POMT1: variants seen among roughly 807,000 people sequenced by gnomAD.
POMT1 encodes protein O-mannosyl-transferase 1.
Under a neutral mutation model 101.6 loss-of-function variants are expected in POMT1, and 85 were observed. That is an observed-to-expected ratio of 0.84 (90% CI 0.70 to 1.00). The LOEUF is 1.00. Ranked by LOEUF, POMT1 falls within the 50% of genes least tolerant of loss-of-function variation. POMT1 has a pLI of 0.00. For synonymous variants in POMT1, 371 were observed against 383.0 expected (o/e 0.97, Z 0.37); for missense variants, 857 against 930.4 (o/e 0.92, Z 1.03).
intron 9 of POMT1, chr9:131,511,002 C>CCGGATCATTAA: frequency 3.5e-6 from 1 of 287,338 alleles, no homozygotes; most frequent in South Asian, 4.4e-5. Context: ...TGTGTTTCAG[C>CCGGATCATTAA]AAGTTGTTTG....
intron 13 of POMT1, chr9:131,518,181 G>A (rs749737383): frequency 1.9e-6 from 1 of 527,372 alleles, no homozygotes; most frequent in Non-Finnish European, 3.6e-6. Flanking sequence ...AGAACATCAG[G>A]CTTTGTATTT....
chr9:131,516,153 G>C (rs1196675248), intron 13 of POMT1, among the ~76,000 whole-genome samples: 1 of 13,556 alleles, frequency 7.4e-5, no homozygotes, highest in Non-Finnish European at 2.7e-4. Context: ...TCTAACACAG[G>C]ACACTCTCAC....
rs754907726 is a variant in POMT1 at position 131,520,111 on chromosome 9, C to T, written c.1616C>T (p.Ser539Leu). The change falls in exon 17 of 20, where the codon TCG (serine) becomes TTG (leucine). Residue 539 changes from serine to leucine, a missense_variant. Coordinates refer to ENST00000402686, the MANE Select transcript of POMT1 (RefSeq NM_001077365.2). ...ATGCTGGCGCTGAGAAGTGATGACT[C>T]GGAACACAAGTACAGCTCCAGCCCA... Reference protein sequence around the residue: ...WRMLALRSDDSEHKYSSSPLE... With the variant: ...WRMLALRSDDLEHKYSSSPLE... The T allele has an allele frequency of 2.3e-5, 37 of 1,613,700 alleles. No homozygotes were observed. The highest frequency in any genetic ancestry group is 2.5e-5 in the Non-Finnish European group (30 of 1,180,024).
chr9:131,508,801 C>T (rs1946428802), intron 5 of POMT1, 110 bp from the exon 6 acceptor site: 1 of 765,996 alleles, frequency 1.3e-6, no homozygotes, highest in Non-Finnish European at 2.3e-6. Flanking sequence ...ACAACAGCCC[C>T]ACACAGTTGT....
rs749649735 is a variant in POMT1 at position 131,515,537 on chromosome 9, G to A, written c.1272+15G>A. 5.6e-6 allele frequency: 9 copies of A among 1,606,972 alleles called. No homozygotes were observed. Among genetic ancestry groups the A allele is most frequent in the Admixed American group, 1.7e-5 (1 of 60,010 alleles). ...TCTGGAGACTGGTGAGTAAGGCTGC[G>A]GCTATAGCAGCCACAACCGTCAGTA... On this transcript the variant is annotated intron_variant, in intron 13 of 19. Coordinates refer to ENST00000402686, the MANE Select transcript of POMT1 (RefSeq NM_001077365.2).
intron 1 of POMT1, 46 bp from the exon 2 acceptor site, chr9:131,504,143 C>A: frequency 6.2e-7 from 1 of 1,609,636 alleles, no homozygotes; most frequent in South Asian, 1.1e-5. Flanking sequence ...CCTTCTGTAG[C>A]CTCTCGTGAG....
At chr9:131,511,980 T>C in intron 10 of POMT1, 61 bp from the exon 11 acceptor site, 1 of 1,590,124 alleles carries the variant, frequency 6.3e-7, no homozygotes, top group South Asian at 1.1e-5. Context: ...CAAAGTGCTC[T>C]GATTACAGGC....
rs1564380551 is a variant in POMT1, at chr9:131,519,354, ACTTCTAT to A, written c.1487-32_1487-26del. ...TGCTCTGAGCTCTTGACCTTGTGCT[ACTTCTAT>A]CTGTTATGCCCTTGTCTGTTCTGCC... On this transcript the variant is annotated intron_variant, in intron 15 of 19. Transcript: ENST00000402686. This position sits in a 1 kb window ranked among gnomAD's most constrained non-coding sequence, Gnocchi z 4.3. 1 of 1,542,370 alleles carries A rather than the reference ACTTCTAT, an allele frequency of 6.5e-7. No homozygotes were observed.
chr9:131,517,979 G>A (rs1232402091), intron 13 of POMT1, among the ~76,000 whole-genome samples: 3 of 152,362 alleles, frequency 2.0e-5, no homozygotes, highest in Admixed American at 2.0e-4. Context: ...CTGTGACAAG[G>A]CAAAGTGCCT....
At position 131,523,385 on chromosome 9, in the gene POMT1, G is replaced by C. The variant is rs1008129269; in HGVS notation, c.*279G>C. ...TTCAGAGGCCAGCGTAGGAGTCATT[G>C]ACAACAAAAAGCCGAGAACCCAGGG... is the stretch of plus-strand genomic sequence containing the variant. On this transcript the variant is annotated 3_prime_UTR_variant, in exon 20 of 20. Transcript: ENST00000402686. 4.5e-6 allele frequency: 2 copies of C among 445,252 alleles called. No homozygotes were observed. The highest frequency in any genetic ancestry group is 8.3e-6 in the Non-Finnish European group (2 of 239,956). 27.6% of individuals were successfully genotyped at this position (445,252 alleles called of 1,614,324 possible). A position where few individuals can be genotyped will look rare whatever the true frequency, so the allele number is the denominator to read the frequency against.
rs754101109 is a variant in POMT1 at position 131,509,910 on chromosome 9, T to G, written c.613T>G (p.Tyr205Asp). The change falls in exon 8 of 20, where the codon TAC becomes GAC. Residue 205 changes from tyrosine (Y) to aspartate (D), a missense_variant. Coordinates refer to ENST00000402686, the MANE Select transcript of POMT1 (RefSeq NM_001077365.2). Reference sequence around the variant, plus strand: ...TCTGTCATGTCTTTGCAGCATCAAGTACATGGGTGTGTTCACGTACGTGCT... The same window carrying G: ...TCTGTCATGTCTTTGCAGCATCAAGGACATGGGTGTGTTCACGTACGTGCT... ...VACSCAVGIK[Y>D]MGVFTYVLVL... The G allele has an allele frequency of 1.2e-6, 2 of 1,614,232 alleles. No individual in the cohort carries two copies. Among genetic ancestry groups the G allele is most frequent in the South Asian group, 2.2e-5 (2 of 91,084 alleles).
intron 5 of POMT1, among the ~76,000 whole-genome samples, chr9:131,508,220 G>A (rs1946283269): frequency 7.1e-6 from 1 of 140,680 alleles, no homozygotes; most frequent in African/African-American, 2.7e-5. Context: ...CTGGGCAACA[G>A]AGCAAGACTC....
At chr9:131,521,970 TC>T (rs1950021238) in intron 18 of POMT1, 76 bp from the exon 19 acceptor site, 2 of 1,602,464 alleles carry the variant, frequency 1.2e-6, no homozygotes, top group South Asian at 2.2e-5. Context: ...GAACCCTCTC[TC>T]TAAAAAAGCA....
intron 2 of POMT1, 77 bp from the exon 3 acceptor site, chr9:131,506,037 C>T: frequency 6.3e-7 from 1 of 1,586,570 alleles, no homozygotes; most frequent in Non-Finnish European, 8.6e-7. Context: ...GAAACACATA[C>T]ACATTTATCC....
chr9:131,523,226 G>A lies in POMT1; in HGVS notation c.*120G>A, dbSNP rs2131951123. ...GGGAGGACACGGGCTGGGCTGAGCA[G>A]GGCCTCTAGTGGAACACATGGGGGT... On this transcript the variant is annotated 3_prime_UTR_variant, in exon 20 of 20. Transcript: ENST00000402686. 3.9e-6 allele frequency: 5 copies of A among 1,283,448 alleles called. No individual in the cohort carries two copies. The East Asian group carries it at 9.9e-5, about 25-fold the overall frequency. 79.5% of individuals were successfully genotyped at this position (1,283,448 alleles called of 1,614,324 possible).
At chr9:131,517,605 G>A (rs892967612) in intron 13 of POMT1, among the ~76,000 whole-genome samples, 13 of 152,108 alleles carry the variant, frequency 8.5e-5, no homozygotes, top group Non-Finnish European at 1.9e-4. Context: ...TGCAGAGTGC[G>A]CCCCTCTGCC....
chr9:131,517,171 G>C (rs1948870069), intron 13 of POMT1, among the ~76,000 whole-genome samples: 1 of 151,684 alleles, frequency 6.6e-6, no homozygotes, highest in Non-Finnish European at 1.5e-5. Context: ...TGTTTCGCTT[G>C]ACAGAGTTAG....
rs149682171 is a variant in POMT1 at position 131,522,113 on chromosome 9, C to T, written c.1892C>T (p.Pro631Leu). Reference protein sequence around the residue: ...CAGGWAVNYLPFFLMEKTLFL... With the variant: ...CAGGWAVNYLLFFLMEKTLFL... ...GGTGGCTGGGCAGTGAACTACCTCC[C>T]GTTCTTCCTGATGGAGAAGACACTC... Residue 631 changes from proline (P) to leucine (L), a missense_variant, in exon 19 of 20, where the codon CCG becomes CTG. Physicochemically the swap from Pro to Leu is moderately conservative, Grantham distance 98 (BLOSUM62 -3). Transcript: ENST00000402686. The surrounding 1 kb of genome is among the most constrained non-coding windows in gnomAD (Gnocchi z 5.5). The T allele has an allele frequency of 3.6e-5, 58 of 1,614,016 alleles. No homozygotes were observed. The highest frequency in any genetic ancestry group is 5.5e-5 in the South Asian group (5 of 91,084).
rs538745673 is a variant in POMT1, at chr9:131,504,160, T to G, written c.-30-29T>G. On this transcript the variant is annotated intron_variant, in intron 1 of 19. Coordinates refer to ENST00000402686, the MANE Select transcript of POMT1 (RefSeq NM_001077365.2). ...TTCTGTAGCCTCTCGTGAGCCCTCA[T>G]GGACCACGGCTCCTCCCTTCTTTTC... 8.7e-6 allele frequency: 14 copies of G among 1,613,536 alleles called. No individual in the cohort carries two copies. The East Asian group carries it at 2.9e-4, about 33-fold the overall frequency.
Sources: allele counts gnomAD v4.1 joint callset (sites outside exome capture counted in the v4.1 genomes callset), GRCh38; gene constraint gnomAD v4.1.1; non-coding constraint Gnocchi (gnomAD v3.1); transcripts MANE v1.5; gene names NCBI Gene and HGNC (gene_info 2026-07-23, HGNC 2026-07-21).